The following EIF3A variants were observed in gnomAD, a reference collection of about 807,000 sequenced individuals.
EIF3A encodes the protein eukaryotic translation initiation factor 3 subunit A.
EIF3A carries 21 observed loss-of-function variants against 186.6 expected under a neutral mutation model. That is an observed-to-expected ratio of 0.11 (90% CI 0.08 to 0.16). EIF3A has a LOEUF of 0.16. EIF3A is among the 10% of genes least tolerant of loss of function. EIF3A has a pLI of 1.00. For missense variants in EIF3A, 1,306 were observed against 1,796.3 expected (o/e 0.73, Z 4.93); for synonymous variants, 563 against 584.3 (o/e 0.96, Z 0.52).
chr10:119,064,389 T>TG (rs1843937513), intron 7 of EIF3A, among the ~76,000 whole-genome samples: 2 of 152,214 alleles, frequency 1.3e-5, no homozygotes. Flanking sequence ...TCTCCAGTGT[T>TG]GGAGTGTGGC....
intron 7 of EIF3A, among the ~76,000 whole-genome samples, chr10:119,063,304 AG>A (rs769726147): frequency 1.4e-4 from 22 of 152,240 alleles, no homozygotes; most frequent in Non-Finnish European, 2.8e-4. Context: ...GCTGCTCTGC[AG>A]GAACTCTTTG....
intron 14 of EIF3A, among the ~76,000 whole-genome samples, chr10:119,056,230 T>TAGTATAAGTTAACA (rs1466507264): frequency 6.6e-6 from 1 of 152,240 alleles, no homozygotes; most frequent in Non-Finnish European, 1.5e-5. Context: ...AACAAAACTA[T>TAGTATAAGTTAACA]GGAATGACCT....
chr10:119,049,881 G>C lies in EIF3A; in HGVS notation c.2578C>G (p.Gln860Glu), dbSNP rs573093581. 7 of 1,614,042 alleles carry C rather than the reference G, an allele frequency of 4.3e-6. No individual in the cohort carries two copies. The Admixed American group carries it at 6.7e-5, about 15-fold the overall frequency. ...KLEEVERKKR[Q>E]RELEIEERER... The stretch of plus-strand genomic sequence containing the variant: ...CGTTCTTCAATTTCCAACTCCCTTT[G>C]GCGTTTTTTCCTTTCCACTTCTTCT... The change falls in exon 17 of 22, where the codon CAA becomes GAA. Residue 860 changes from glutamine to glutamate, a missense_variant. Gln to Glu is a conservative substitution (Grantham distance 29). This residue lies in a region of EIF3A where 410 missense variants were observed against 473.5 expected (regional missense o/e 0.87). Transcript: ENST00000369144.
In EIF3A at chr10:119,036,075, C is replaced by G. The variant is rs1353305064; in HGVS notation, c.4113G>C (p.Glu1371Asp). Residue 1371 changes from glutamate to aspartate, a missense_variant, in exon 22 of 22, where the codon GAG becomes GAC. Transcript: ENST00000369144. ...DRESLRRTKN[E>D]TDEDGWTTVR... is the part of the protein sequence containing the mutation. Reference sequence around the variant, plus strand: ...CTGTGGTCCATCCATCTTCATCAGTCTCATTTTTAGTACGACGGAGAGATT... The same window carrying G: ...CTGTGGTCCATCCATCTTCATCAGTGTCATTTTTAGTACGACGGAGAGATT... 1.9e-6 allele frequency: 3 copies of G among 1,613,970 alleles called. No homozygotes were observed. Among genetic ancestry groups the G allele is most frequent in the Non-Finnish European group, 2.5e-6 (3 of 1,179,994 alleles).
Position 119,049,865 on chromosome 10 carries a change from A to G in EIF3A, c.2594T>C (p.Ile865Thr), listed in dbSNP as rs1250786645. 1.2e-6 allele frequency: 2 copies of G among 1,614,122 alleles called. No individual in the cohort carries two copies. The highest frequency in any genetic ancestry group is 3.3e-5 in the Admixed American group (2 of 60,010). ...ERKKRQRELE[I>T]EERERRREEE... ...CTCTCTACGCCGTTCTCGTTCTTCAATTTCCAACTCCCTTTGGCGTTTTTT... is the reference window on the plus strand; with the variant it reads ...CTCTCTACGCCGTTCTCGTTCTTCAGTTTCCAACTCCCTTTGGCGTTTTTT... The change falls in exon 17 of 22, where the codon ATT becomes ACT. Residue 865 changes from isoleucine (I) to threonine (T), a missense_variant. Physicochemically the swap from Ile to Thr is moderately conservative, Grantham distance 89 (BLOSUM62 -1). Around this residue, in one of 8 missense-constraint regions of EIF3A, gnomAD observed 410 missense variants for 473.5 expected, o/e 0.87. Transcript: ENST00000369144.
At position 119,073,484 on chromosome 10, in the gene EIF3A, C is replaced by G; in HGVS notation, c.334G>C (p.Val112Leu). 1 of 1,606,644 alleles carries G rather than the reference C, an allele frequency of 6.2e-7. No individual in the cohort carries two copies. ...EAAKEESQQM[V>L]LDIEDLDNIQ... ...TTATCTAGATCCTCTATATCTAAGA[C>G]CATCTGCTGAGATTCTTCTTTAGCA... The change falls in exon 3 of 22, where the codon GTC becomes CTC. Residue 112 changes from valine to leucine, a missense_variant. Physicochemically the swap from Val to Leu is conservative, Grantham distance 32 (BLOSUM62 1). Coordinates refer to ENST00000369144, the MANE Select transcript of EIF3A (RefSeq NM_003750.4).
chr10:119,056,612 T>C (rs372340974), intron 14 of EIF3A, 128 bp downstream of exon 14: 9 of 651,984 alleles, frequency 1.4e-5, no homozygotes, highest in African/African-American at 9.1e-5. Flanking sequence ...AATCTGTTCA[T>C]AGGCAGCCAT....
intron 6 of EIF3A, 49 bp from the exon 7 acceptor site, chr10:119,065,619 G>C (rs371001300): frequency 7.2e-7 from 1 of 1,387,036 alleles, no homozygotes; most frequent in Non-Finnish European, 1.0e-6. Flanking sequence ...ATGATACTTG[G>C]TAAGCAGAAA....
rs566035654 is a variant in EIF3A, at chr10:119,077,556, A to T, written c.49+3072T>A. ...ATATACAAGAATTTAGTTCCTCCGA[A>T]TTTTTTTTTTTTTTTGGAGAAGGAG... On this transcript the variant is annotated intron_variant, in intron 1 of 21. Coordinates refer to ENST00000369144, the MANE Select transcript of EIF3A (RefSeq NM_003750.4). Among the ~76,000 whole-genome samples, 389 of 142,490 alleles carry T rather than the reference A, an allele frequency of 2.7e-3. 1 individual carries two copies. Among genetic ancestry groups the T allele is most frequent in the African/African-American group, 9.5e-3 (368 of 38,542 alleles). The allele number at this position is 142,490 out of a possible 152,430, so 93.5% of individuals were successfully genotyped here.
intron 1 of EIF3A, among the ~76,000 whole-genome samples, chr10:119,077,219 C>T (rs1352567995): frequency 6.6e-6 from 1 of 152,070 alleles, no homozygotes; most frequent in South Asian, 2.1e-4. Flanking sequence ...AATCCCAGCA[C>T]TTTGGGAGGC....
intron 1 of EIF3A, among the ~76,000 whole-genome samples, chr10:119,075,265 A>G (rs1346645073): frequency 6.6e-6 from 1 of 152,046 alleles, no homozygotes; most frequent in Admixed American, 6.6e-5. Context: ...CAGACAACTT[A>G]TATTCTTTTG....
At chr10:119,052,114 C>T (rs765758567) in intron 14 of EIF3A, among the ~76,000 whole-genome samples, 6 of 152,140 alleles carry the variant, frequency 3.9e-5, no homozygotes, top group Admixed American at 1.3e-4. Context: ...CACTGGTTGA[C>T]GGTTTTTAAC....
intron 6 of EIF3A, among the ~76,000 whole-genome samples, chr10:119,068,704 G>A (rs577910052): frequency 6.6e-5 from 10 of 151,690 alleles, no homozygotes; most frequent in South Asian, 4.2e-4. Flanking sequence ...AGTCAGGCGC[G>A]GTGGCTCACT....
chr10:119,080,432 G>A (rs1844245818), intron 1 of EIF3A, 196 bp downstream of exon 1: 2 of 985,340 alleles, frequency 2.0e-6, no homozygotes, highest in African/African-American at 1.7e-5. Flanking sequence ...TCCGGGCTAC[G>A]CGCCTCCCAG....
chr10:119,059,886 T>C (rs1843855489), intron 9 of EIF3A, 168 bp from the exon 10 acceptor site: 1 of 656,836 alleles, frequency 1.5e-6, no homozygotes. Context: ...CTAAACTCCA[T>C]GCTTTGAGAA....
intron 7 of EIF3A, among the ~76,000 whole-genome samples, chr10:119,063,176 C>G (rs1284701102): frequency 6.6e-6 from 1 of 152,096 alleles, no homozygotes; most frequent in African/African-American, 2.4e-5. Flanking sequence ...ACTTCTTTCT[C>G]AAGACACTGC....
chr10:119,058,219 G>A lies in EIF3A; in HGVS notation c.1714C>T (p.Arg572Cys), dbSNP rs1843823063. 1 of 1,613,430 alleles carries A rather than the reference G, an allele frequency of 6.2e-7. No individual in the cohort carries two copies. ...TCTTTTCTCTCCTCAATTGTCTGGC[G>A]GCGAGCCAGGATCCGCTGGTGCTCT... ...RKEHQRILARRQTIEERKERL... is the reference protein window; with the variant it reads ...RKEHQRILARCQTIEERKERL... Residue 572 changes from arginine (R) to cysteine (C), a missense_variant, in exon 12 of 22, where the codon CGC becomes TGC. Physicochemically the swap from Arg to Cys is radical, Grantham distance 180. Coordinates refer to ENST00000369144, the MANE Select transcript of EIF3A (RefSeq NM_003750.4).
chr10:119,071,676 C>A (rs184092945), intron 4 of EIF3A, among the ~76,000 whole-genome samples: 12 of 152,234 alleles, frequency 7.9e-5, no homozygotes, highest in African/African-American at 2.9e-4. Flanking sequence ...TGCAGTTTAA[C>A]TTCAAGTTAA....
chr10:119,060,161 T>A, intron 9 of EIF3A: 1 of 498,736 alleles, frequency 2.0e-6, no homozygotes, highest in Admixed American at 2.3e-5. Flanking sequence ...GAAAATATAA[T>A]AAAACGCCCT....
Sources: gnomAD v4.1 joint callset for allele counts (sites outside exome capture counted in the v4.1 genomes callset) on GRCh38, gnomAD v4.1.1 for gene constraint, gnomAD v4.1.1 regional missense constraint, MANE v1.5 for transcripts, NCBI Gene and HGNC (gene_info 2026-07-23, HGNC 2026-07-21) for gene names.